TMTC2: variants seen among roughly 807,000 people sequenced by gnomAD.
TMTC2 encodes transmembrane O-mannosyltransferase targeting cadherins 2, also known as protein O-mannosyl-transferase TMTC2.
A neutral mutation model predicts 82.4 loss-of-function variants in TMTC2; 43 were observed. The observed-to-expected ratio is 0.52, with a 90% CI of 0.41 to 0.67. TMTC2 has a LOEUF of 0.67. TMTC2 is among the 30% of genes least tolerant of loss of function. TMTC2 has a pLI of 0.00. For synonymous variants in TMTC2, 408 were observed against 381.9 expected, an observed-to-expected ratio of 1.07 and a Z score of -0.80; for missense variants, 919 against 1,012.4, an observed-to-expected ratio of 0.91 and a Z score of 1.25.
At chr12:83,082,394 C>T (rs531928682) in intron 11 of TMTC2, among the ~76,000 whole-genome samples, 51 of 152,220 alleles carry the variant, frequency 3.4e-4, no homozygotes, top group African/African-American at 1.1e-3. Context: ...TTAATCCATA[C>T]AAAACATTAT....
chr12:83,123,139 T>C (rs1885007428), intron 11 of TMTC2, among the ~76,000 whole-genome samples: 1 of 152,120 alleles, frequency 6.6e-6, no homozygotes, highest in African/African-American at 2.4e-5. Context: ...ATCACACCCA[T>C]CATAAAAGTT....
intron 11 of TMTC2, among the ~76,000 whole-genome samples, chr12:83,069,667 T>C (rs117562015): frequency 0.073 from 11,166 of 152,278 alleles, 491 homozygotes; most frequent in African/African-American, 0.099. Context: ...GCTGACTGTT[T>C]CTTTTGCTGT....
At chr12:82,993,197 C>A (rs1879472566) in intron 8 of TMTC2, among the ~76,000 whole-genome samples, 2 of 152,096 alleles carry the variant, frequency 1.3e-5, no homozygotes, top group African/African-American at 4.8e-5. Flanking sequence ...ATTGCCCAGG[C>A]TGGTCTCGAA....
intron 2 of TMTC2, among the ~76,000 whole-genome samples, chr12:82,884,470 G>A (rs980288811): frequency 1.3e-5 from 2 of 152,180 alleles, no homozygotes; most frequent in African/African-American, 2.4e-5. Flanking sequence ...TTAGAAGGTA[G>A]CAAGGCACTT....
chr12:83,113,689 T>A (rs1209982086), intron 11 of TMTC2, among the ~76,000 whole-genome samples: 2 of 152,012 alleles, frequency 1.3e-5, no homozygotes, highest in Admixed American at 6.6e-5. Context: ...GAAATTATTA[T>A]GTGTGAAGAC....
intron 1 of TMTC2, among the ~76,000 whole-genome samples, chr12:82,708,121 G>T (rs1346197808): frequency 6.6e-6 from 1 of 152,116 alleles, no homozygotes; most frequent in East Asian, 1.9e-4. Context: ...CAATGTCAGG[G>T]TTTAGTAGTT....
rs982197511 is a variant in TMTC2 at position 82,726,739 on chromosome 12, C to T, written c.83+39070C>T. ...ACTAAAATTACAAAAATTAGCCGGG[C>T]GTGTTGGTGGGCGCCTGTAGTCCCA... On this transcript the variant is annotated intron_variant, in intron 1 of 11. Transcript: ENST00000321196. Among the ~76,000 whole-genome samples, 8 of 151,896 alleles carry T rather than the reference C, an allele frequency of 5.3e-5. No homozygotes were observed. The East Asian group carries it at 7.8e-4, about 15-fold the overall frequency.
At chr12:82,905,601 T>C (rs1230723821) in intron 3 of TMTC2, among the ~76,000 whole-genome samples, 2 of 152,202 alleles carry the variant, frequency 1.3e-5, no homozygotes, top group African/African-American at 4.8e-5. Flanking sequence ...CCTAGCAGTC[T>C]GCATTCACTC....
chr12:83,060,391 T>C (rs1391652935), intron 10 of TMTC2, among the ~76,000 whole-genome samples: 1 of 151,800 alleles, frequency 6.6e-6, no homozygotes, highest in African/African-American at 2.4e-5. Context: ...TTCACTTTTA[T>C]AGATATGGCT....
At chr12:82,772,574 G>A (rs972868426) in intron 1 of TMTC2, among the ~76,000 whole-genome samples, 16 of 152,242 alleles carry the variant, frequency 1.1e-4, no homozygotes, top group African/African-American at 3.4e-4. Context: ...TCCTGAAAGC[G>A]TTAGTAGACA....
intron 1 of TMTC2, among the ~76,000 whole-genome samples, chr12:82,716,402 C>T (rs1172830334): frequency 2.9e-5 from 4 of 138,996 alleles, no homozygotes; most frequent in Admixed American, 1.6e-4. Flanking sequence ...CTCGCTTTGT[C>T]GCCCAGGCTG....
intron 1 of TMTC2, among the ~76,000 whole-genome samples, chr12:82,788,260 A>G (rs530065002): frequency 3.8e-4 from 58 of 152,258 alleles, no homozygotes; most frequent in African/African-American, 1.2e-3. Context: ...TGATATTACA[A>G]TATACCTTCT....
intron 3 of TMTC2, among the ~76,000 whole-genome samples, chr12:82,911,284 G>T (rs1359501747): frequency 6.6e-6 from 1 of 152,066 alleles, no homozygotes; most frequent in African/African-American, 2.4e-5. Context: ...TCCTCCCCTA[G>T]GTCTGTTGGG....
chr12:82,745,146 C>A (rs1024129057), intron 1 of TMTC2, among the ~76,000 whole-genome samples: 34 of 151,896 alleles, frequency 2.2e-4, no homozygotes, highest in African/African-American at 8.0e-4. Context: ...GATTTATTTT[C>A]CCTTCTCTTC....
intron 10 of TMTC2, among the ~76,000 whole-genome samples, chr12:83,052,967 G>A (rs1289857525): frequency 6.6e-6 from 1 of 152,056 alleles, no homozygotes; most frequent in Non-Finnish European, 1.5e-5. Context: ...CAACTGGATG[G>A]CAGTCTTCGT....
At chr12:83,095,390 G>A (rs890267752) in intron 11 of TMTC2, among the ~76,000 whole-genome samples, 8 of 152,014 alleles carry the variant, frequency 5.3e-5, no homozygotes, top group East Asian at 3.9e-4. Context: ...ACAGGTGCCC[G>A]CCACCATGCC....
chr12:83,005,779 C>A (rs1387323299), intron 8 of TMTC2, among the ~76,000 whole-genome samples: 1 of 152,184 alleles, frequency 6.6e-6, no homozygotes, highest in African/African-American at 2.4e-5. Flanking sequence ...TATGCCTGCT[C>A]CTGTGCAAGC....
intron 11 of TMTC2, among the ~76,000 whole-genome samples, chr12:83,108,103 G>C (rs1484488656): frequency 1.3e-5 from 2 of 151,990 alleles, no homozygotes; most frequent in Non-Finnish European, 2.9e-5. Context: ...CCCCAGCCGT[G>C]CTTTTTATAC....
intron 1 of TMTC2, among the ~76,000 whole-genome samples, chr12:82,719,085 A>ATATATATATATTTT (rs1282211374): frequency 7.2e-5 from 3 of 41,412 alleles, no homozygotes; most frequent in African/African-American, 2.3e-4. Flanking sequence ...ATATATATAT[A>ATATATATATATTTT]TTTTTTTTTT....
Sources: gnomAD v4.1 joint callset for allele counts (sites outside exome capture counted in the v4.1 genomes callset) on GRCh38, gnomAD v4.1.1 for gene constraint, MANE v1.5 for transcripts, NCBI Gene and HGNC (gene_info 2026-07-23, HGNC 2026-07-21) for gene names.